UBE2E2: variants seen among roughly 807,000 people sequenced by gnomAD.
The protein encoded by UBE2E2 is ubiquitin conjugating enzyme E2 E2, also known as ubiquitin-conjugating enzyme E2 E2.
In UBE2E2, 6 loss-of-function variants were observed where a neutral mutation model predicts 24.7. That is an observed-to-expected ratio of 0.24 (90% CI 0.13 to 0.48). The LOEUF is 0.48. Among genes scored for constraint, UBE2E2 ranks in the 20% least tolerant of loss-of-function variants. UBE2E2 has a pLI of 0.99. For missense variants in UBE2E2, 169 were observed against 245.0 expected, an observed-to-expected ratio of 0.69 and a Z score of 2.07; for synonymous variants, 104 against 83.6, an observed-to-expected ratio of 1.24 and a Z score of -1.33.
At chr3:23,317,583 CA>C (rs1369011141) in intron 3 of UBE2E2, among the ~76,000 whole-genome samples, 2 of 152,140 alleles carry the variant, frequency 1.3e-5, no homozygotes, top group Non-Finnish European at 1.5e-5. Flanking sequence ...GCCTCACAAT[CA>C]ATGGTGGAAG....
At chr3:23,314,737 GT>G (rs951122309) in intron 3 of UBE2E2, among the ~76,000 whole-genome samples, 4 of 152,028 alleles carry the variant, frequency 2.6e-5, no homozygotes, top group Admixed American at 2.0e-4. Context: ...CTGAGTAGAA[GT>G]TTTTTTTCCT....
At chr3:23,436,118 G>T (rs1421132793) in intron 3 of UBE2E2, among the ~76,000 whole-genome samples, 1 of 152,114 alleles carries the variant, frequency 6.6e-6, no homozygotes, top group Non-Finnish European at 1.5e-5. Flanking sequence ...CTGCTGTGCG[G>T]CCCAGTTCCT....
intron 3 of UBE2E2, among the ~76,000 whole-genome samples, chr3:23,272,240 G>C (rs947608596): frequency 6.6e-6 from 1 of 152,186 alleles, no homozygotes; most frequent in Non-Finnish European, 1.5e-5. Context: ...GGGGGATCCG[G>C]CGCTCCCTGG....
intron 3 of UBE2E2, among the ~76,000 whole-genome samples, chr3:23,284,223 A>G (rs1464707927): frequency 2.0e-5 from 3 of 152,140 alleles, no homozygotes; most frequent in African/African-American, 7.2e-5. Flanking sequence ...AAATTTGGGT[A>G]AATATTGCAT....
At chr3:23,241,139 C>T (rs1267220150) in intron 3 of UBE2E2, among the ~76,000 whole-genome samples, 1 of 152,172 alleles carries the variant, frequency 6.6e-6, no homozygotes, top group African/African-American at 2.4e-5. Flanking sequence ...ATCTGTCTTT[C>T]CATTTAGGAG....
At chr3:23,298,870 C>G (rs1384254502) in intron 3 of UBE2E2, among the ~76,000 whole-genome samples, 2 of 152,108 alleles carry the variant, frequency 1.3e-5, no homozygotes, top group African/African-American at 4.8e-5. Flanking sequence ...ATGGTACTAG[C>G]TCGTCTTTGT....
At chr3:23,317,202 GC>G (rs1321674323) in intron 3 of UBE2E2, among the ~76,000 whole-genome samples, 5 of 152,158 alleles carry the variant, frequency 3.3e-5, no homozygotes, top group Non-Finnish European at 7.4e-5. Context: ...TGTCCTTGTG[GC>G]CTAGACAGCC....
chr3:23,572,454 T>G (rs574701184), intron 5 of UBE2E2, among the ~76,000 whole-genome samples: 1 of 152,284 alleles, frequency 6.6e-6, no homozygotes, highest in Non-Finnish European at 1.5e-5. Flanking sequence ...TTGCTAAAGT[T>G]TGGGGTTCTG....
chr3:23,209,785 A>G (rs1696267094), intron 2 of UBE2E2, among the ~76,000 whole-genome samples: 1 of 152,176 alleles, frequency 6.6e-6, no homozygotes, highest in Non-Finnish European at 1.5e-5. Flanking sequence ...GTCAGTCTAC[A>G]GGGTTGGAAA....
chr3:23,427,259 C>CAAAAAAAAAAA (rs74787665), intron 3 of UBE2E2, among the ~76,000 whole-genome samples: 2 of 88,486 alleles, frequency 2.3e-5, no homozygotes, highest in South Asian at 3.5e-4. Context: ...CCATCTCTAC[C>CAAAAAAAAAAA]AAAAAAAAAA....
At chr3:23,503,824 G>T (rs897591506) in intron 4 of UBE2E2, among the ~76,000 whole-genome samples, 2 of 151,896 alleles carry the variant, frequency 1.3e-5, no homozygotes, top group African/African-American at 2.4e-5. Flanking sequence ...CTGCACTCCA[G>T]CCTGGGGGAC....
chr3:23,214,692 C>A (rs1696425611), intron 2 of UBE2E2, among the ~76,000 whole-genome samples: 1 of 151,744 alleles, frequency 6.6e-6, no homozygotes, highest in Non-Finnish European at 1.5e-5. Context: ...TTTAAGCATG[C>A]TTTTTAGAAT....
At chr3:23,311,220 GTGTATA>G (rs1694380867) in intron 3 of UBE2E2, among the ~76,000 whole-genome samples, 2 of 152,178 alleles carry the variant, frequency 1.3e-5, no homozygotes, top group African/African-American at 4.8e-5. Context: ...GTATTCGATG[GTGTATA>G]TGTGCCACAT....
intron 3 of UBE2E2, among the ~76,000 whole-genome samples, chr3:23,253,116 G>A (rs1697619743): frequency 6.6e-6 from 1 of 152,072 alleles, no homozygotes; most frequent in African/African-American, 2.4e-5. Flanking sequence ...AATAAAACTA[G>A]GAGAAAACAG....
At chr3:23,285,081 C>T (rs963544995) in intron 3 of UBE2E2, among the ~76,000 whole-genome samples, 31 of 151,962 alleles carry the variant, frequency 2.0e-4, no homozygotes, top group African/African-American at 7.0e-4. Flanking sequence ...CCTCTATGAA[C>T]TCAATTGTTT....
chr3:23,253,676 T>A (rs1345655250), intron 3 of UBE2E2, among the ~76,000 whole-genome samples: 1 of 152,154 alleles, frequency 6.6e-6, no homozygotes, highest in Non-Finnish European at 1.5e-5. Flanking sequence ...AATGAAAATG[T>A]GGAAGTGAAC....
chr3:23,499,795 ATATACT>A, intron 4 of UBE2E2, 55 bp downstream of exon 4: 1 of 1,576,710 alleles, frequency 6.3e-7, no homozygotes, highest in Non-Finnish European at 8.6e-7. Context: ...TTCTAGATAC[ATATACT>A]TATTCTTAAA....
chr3:23,374,198 C>G (rs1206218093), intron 3 of UBE2E2, among the ~76,000 whole-genome samples: 1 of 152,090 alleles, frequency 6.6e-6, no homozygotes, highest in Admixed American at 6.6e-5. Flanking sequence ...ATTCCCAGCT[C>G]TTTTAAATTA....
chr3:23,457,851 C>T (rs369547608), intron 3 of UBE2E2, among the ~76,000 whole-genome samples: 15 of 152,326 alleles, frequency 9.8e-5, no homozygotes, highest in East Asian at 5.8e-4. Context: ...TCTTAGCCTT[C>T]GCAGAATTGA....
Sources: allele counts gnomAD v4.1 joint callset (sites outside exome capture counted in the v4.1 genomes callset), GRCh38; gene constraint gnomAD v4.1.1; transcripts MANE v1.5; gene names NCBI Gene and HGNC (gene_info 2026-07-23, HGNC 2026-07-21).